KLF16: variants seen among roughly 807,000 people sequenced by gnomAD.
KLF16 encodes the protein KLF transcription factor 16, also known as Krueppel-like factor 16.
Under a neutral mutation model 6.1 loss-of-function variants are expected in KLF16, and 6 were observed. The ratio of observed to expected loss-of-function variants is 0.98; its 90% CI spans 0.54 to 1.93. The LOEUF (loss-of-function observed/expected upper bound fraction) is 1.93, where lower values mean the gene tolerates loss of function less well. KLF16 is among the 30% of genes most tolerant of loss of function. The pLI, the probability that KLF16 is intolerant of heterozygous loss-of-function variation, is 0.01. For missense variants in KLF16, 355 were observed against 363.8 expected (o/e 0.98, Z 0.20); for synonymous variants, 211 against 176.5 (o/e 1.20, Z -1.55).
the KLF16 span, among the ~76,000 whole-genome samples, chr19:1,869,198 C>T: frequency 4.6e-5 from 7 of 152,310 alleles, no homozygotes; most frequent in South Asian, 6.2e-4. Context: ...TGGCTTTAGC[C>T]AGGCATGATG....
At chr19:1,859,361 C>G (rs1488891195) in intron 1 of KLF16, among the ~76,000 whole-genome samples, 1 of 152,120 alleles carries the variant, frequency 6.6e-6, no homozygotes, top group African/African-American at 2.4e-5. Context: ...GAGTCTCCCT[C>G]CAACCCAGTG....
In KLF16 at chr19:1,854,136, C is replaced by T. The variant is rs1247027274; in HGVS notation, c.*323G>A. The T allele has an allele frequency of 3.7e-5, 11 of 300,636 alleles. No individual in the cohort carries two copies. The highest frequency in any genetic ancestry group is 3.5e-4 in the East Asian group (6 of 16,966). 18.6% of individuals were successfully genotyped at this position (300,636 alleles called of 1,614,324 possible). ...CACTCCACCCCCCCAAACCCCACCC[C>T]GGGAGGGGGGCAGCAGGGGGTGGTG... is the stretch of plus-strand genomic sequence containing the variant. On this transcript the variant is annotated 3_prime_UTR_variant, in exon 2 of 2. Coordinates refer to ENST00000250916, the MANE Select transcript of KLF16 (RefSeq NM_031918.4).
In KLF16 at chr19:1,854,483, G is replaced by C. The variant is rs528274037; in HGVS notation, c.735C>G (p.Pro245=). The C allele has an allele frequency of 1.4e-6, 2 of 1,425,274 alleles. No homozygotes were observed. Among genetic ancestry groups the C allele is most frequent in the South Asian group, 3.1e-5 (2 of 65,352 alleles). 88.3% of individuals were successfully genotyped at this position (1,425,274 alleles called of 1,614,324 possible). A position where few individuals can be genotyped will look rare whatever the true frequency, so the allele number is the denominator to read the frequency against. The change falls in exon 2 of 2, where the codon CCC becomes CCG. Residue 245 remains proline, a synonymous_variant. Coordinates refer to ENST00000250916, the MANE Select transcript of KLF16 (RefSeq NM_031918.4). ...CCTACAGGCCTGCGGGGGCTGGGCTGGGCGCGGGGCTGGGCGCAGGGCTCC... is the reference window on the plus strand; with the variant it reads ...CCTACAGGCCTGCGGGGGCTGGGCTCGGCGCGGGGCTGGGCGCAGGGCTCC... ...LAGSPAPSPA[P]SPAPAGL is the part of the protein sequence containing the mutation.
chr19:1,875,829 G>A, the KLF16 span: 1 of 152,360 alleles, frequency 6.6e-6, no homozygotes, highest in African/African-American at 2.4e-5. Context: ...CGCACGACCG[G>A]GGACAGAAGG....
rs2012105042 is a variant in KLF16, at chr19:1,863,137, AGGGCGCGGCGCCGG to A, written c.347_360del (p.Pro116LeufsTer40). On this transcript the variant is annotated frameshift_variant, in exon 1 of 2. Coordinates refer to ENST00000250916, the MANE Select transcript of KLF16 (RefSeq NM_031918.4). LOFTEE classifies it high-confidence loss of function. ...CAGCGGTGGCTCTTGGCGGCGGCGGAGGGCGCGGCGCCGGGGGCGCGGCCCGAGGACGGGGACGA... is the reference window on the plus strand; with the variant it reads ...CAGCGGTGGCTCTTGGCGGCGGCGGAGGGCGCGGCCCGAGGACGGGGACGA... 9 of 1,332,530 alleles carry A rather than the reference AGGGCGCGGCGCCGG, an allele frequency of 6.8e-6. No homozygotes were observed. The highest frequency in any genetic ancestry group is 1.6e-5 in the South Asian group (1 of 61,030). The allele number at this position is 1,332,530 out of a possible 1,614,324, so 82.5% of individuals were successfully genotyped here.
chr19:1,864,015 CCT>C (rs969807421), upstream of KLF16, among the ~76,000 whole-genome samples: 11 of 148,172 alleles, frequency 7.4e-5, no homozygotes, highest in Non-Finnish European at 1.5e-4. Flanking sequence ...GACCCCGCCC[CCT>C]CTCCGGCACG....
chr19:1,867,343 G>T (rs1015299971), upstream of KLF16, among the ~76,000 whole-genome samples: 1 of 152,196 alleles, frequency 6.6e-6, no homozygotes. Context: ...GCTGAGATGG[G>T]AGGACTGCTT....
intron 1 of KLF16, among the ~76,000 whole-genome samples, chr19:1,859,345 C>G (rs2012016749): frequency 6.6e-6 from 1 of 152,096 alleles, no homozygotes; most frequent in African/African-American, 2.4e-5. Context: ...CACACCTCGT[C>G]CTGAGGAGTC....
upstream of KLF16, among the ~76,000 whole-genome samples, chr19:1,867,927 CGTGTGTGTGTGTGTGT>C (rs71174389): frequency 1.6e-4 from 24 of 147,978 alleles, no homozygotes; most frequent in Middle Eastern, 3.4e-3. Context: ...TATGTAAGGA[CGTGTGTGTGTGTGTGT>C]GTGTGTGTGT....
At position 1,854,635 on chromosome 19, in the gene KLF16, G is replaced by T. The variant is rs779431438; in HGVS notation, c.583C>A (p.Arg195Ser). ...GCCAGGTGGTCACTGCGGGTGAAGC[G>T]CTTGGAGCACAGAGGGCAGGAGAAG... is the stretch of plus-strand genomic sequence containing the variant. ...KRFSCPLCSK[R>S]FTRSDHLAKH... The change falls in exon 2 of 2, where the codon CGC (arginine) becomes AGC (serine). Residue 195 changes from arginine (R) to serine (S), a missense_variant. Transcript: ENST00000250916. The T allele has an allele frequency of 1.3e-6, 2 of 1,599,364 alleles. No homozygotes were observed. The highest frequency in any genetic ancestry group is 8.5e-7 in the Non-Finnish European group (1 of 1,179,390).
chr19:1,868,252 C>CAGGGACAG (rs1363214762), upstream of KLF16, among the ~76,000 whole-genome samples: 1 of 152,108 alleles, frequency 6.6e-6, no homozygotes, highest in Non-Finnish European at 1.5e-5. Flanking sequence ...CAGAACAGGG[C>CAGGGACAG]AGGGACAGGA....
the KLF16 span, among the ~76,000 whole-genome samples, chr19:1,873,550 G>A: frequency 1.3e-5 from 2 of 152,218 alleles, no homozygotes; most frequent in Admixed American, 1.3e-4. Context: ...GTGACACAGG[G>A]TGGACCAGAG....
the KLF16 span, among the ~76,000 whole-genome samples, chr19:1,873,391 C>A: frequency 2.6e-5 from 4 of 152,232 alleles, no homozygotes; most frequent in South Asian, 2.1e-4. Context: ...GCCTCTGCCA[C>A]ACCCACAGCC....
At chr19:1,863,993 C>A (rs112658468), upstream of KLF16, among the ~76,000 whole-genome samples, 4 of 143,012 alleles carry the variant, frequency 2.8e-5, no homozygotes, top group African/African-American at 1.0e-4. Context: ...CAAGCCGGGG[C>A]GGGAGGCCGA....
upstream of KLF16, among the ~76,000 whole-genome samples, chr19:1,864,225 C>A (rs1036097139): frequency 6.6e-6 from 1 of 151,836 alleles, no homozygotes; most frequent in Non-Finnish European, 1.5e-5. Flanking sequence ...CCCCACGTGG[C>A]CGGGGTTGGA....
At chr19:1,870,419 C>T in the KLF16 span, among the ~76,000 whole-genome samples, 2 of 152,014 alleles carry the variant, frequency 1.3e-5, no homozygotes, top group African/African-American at 4.8e-5. Context: ...TGACTGTAAT[C>T]CCAGCACTTT....
chr19:1,872,562 G>C, the KLF16 span, among the ~76,000 whole-genome samples: 2 of 152,170 alleles, frequency 1.3e-5, no homozygotes, highest in African/African-American at 2.4e-5. Context: ...TATCCTCCAC[G>C]GACACACACA....
At chr19:1,858,935 G>C (rs2012007729) in intron 1 of KLF16, among the ~76,000 whole-genome samples, 1 of 152,054 alleles carries the variant, frequency 6.6e-6, no homozygotes, top group Admixed American at 6.5e-5. Context: ...GAGAGCCTGG[G>C]TGGGGGTGGT....
the KLF16 span, chr19:1,875,850 G>A: frequency 6.6e-6 from 1 of 152,376 alleles, no homozygotes; most frequent in African/African-American, 2.4e-5. Context: ...AAGACACTGC[G>A]GTCGCAAAGC....
Sources: gnomAD v4.1 joint callset for allele counts (sites outside exome capture counted in the v4.1 genomes callset) on GRCh38, gnomAD v4.1.1 for gene constraint, MANE v1.5 for transcripts, NCBI Gene and HGNC (gene_info 2026-07-23, HGNC 2026-07-21) for gene names.